The following SOD2 variants were observed in gnomAD, a reference collection of about 807,000 sequenced individuals.
SOD2 encodes the protein superoxide dismutase 2.
A neutral mutation model predicts 27.0 loss-of-function variants in SOD2; 11 were observed. The observed-to-expected ratio is 0.41, with a 90% CI of 0.26 to 0.67. The LOEUF is 0.67. Among genes scored for constraint, SOD2 ranks in the 30% least tolerant of loss-of-function variants. The pLI, the probability that SOD2 is intolerant of heterozygous loss-of-function variation, is 0.34. For synonymous variants in SOD2, 105 were observed against 103.0 expected (o/e 1.02, Z -0.12); for missense variants, 250 against 274.5 (o/e 0.91, Z 0.63).
intron 1 of SOD2, among the ~76,000 whole-genome samples, chr6:159,699,075 T>C (rs866746717): frequency 9.2e-5 from 14 of 152,136 alleles, no homozygotes; most frequent in Middle Eastern, 3.4e-3. Flanking sequence ...CCACTCCCTC[T>C]CCCACATTTT....
intron 1 of SOD2, among the ~76,000 whole-genome samples, chr6:159,733,438 G>A (rs1240910775): frequency 6.9e-6 from 1 of 144,644 alleles, no homozygotes; most frequent in African/African-American, 2.6e-5. Context: ...GCAGCATGGC[G>A]AAACCCTGTC....
At chr6:159,740,126 T>TG (rs1024607652) in intron 1 of SOD2, among the ~76,000 whole-genome samples, 2 of 151,792 alleles carry the variant, frequency 1.3e-5, no homozygotes, top group Admixed American at 1.3e-4. Context: ...ATTACAGGCA[T>TG]GGGCCACCAT....
intron 1 of SOD2, among the ~76,000 whole-genome samples, chr6:159,724,084 T>C (rs796196495): frequency 1.8e-4 from 28 of 152,304 alleles, no homozygotes; most frequent in African/African-American, 6.3e-4. Context: ...ACTTTTTTTT[T>C]CTGAACTTCT....
At position 159,676,919 on chromosome 6, in the gene SOD2, T is replaced by C. The variant is rs951644770; in HGVS notation, c.*5574A>G. On this transcript the variant is annotated 3_prime_UTR_variant, in exon 5 of 5. Transcript: ENST00000538183. Reference sequence around the variant, plus strand: ...AGTACCTAATTCAATGTTCTTTCCATGCCCACACAAAGGCAAGCAGCAGAA... The same window carrying C: ...AGTACCTAATTCAATGTTCTTTCCACGCCCACACAAAGGCAAGCAGCAGAA... The C allele has an allele frequency of 6.6e-6, 1 of 152,034 alleles. No homozygotes were observed. Among genetic ancestry groups the C allele is most frequent in the African/African-American group, 2.4e-5 (1 of 41,364 alleles). The allele number at this position is 152,034 out of a possible 1,614,324, so 9.4% of individuals were successfully genotyped here.
chr6:159,720,179 C>T (rs778858737), intron 1 of SOD2, among the ~76,000 whole-genome samples: 7 of 151,134 alleles, frequency 4.6e-5, no homozygotes, highest in Non-Finnish European at 7.4e-5. Context: ...TACAGACGCC[C>T]GCCACCACGC....
chr6:159,727,154 C>G (rs1036286956), exon 1 of SOD2: 8 of 1,194,432 alleles, frequency 6.7e-6, no homozygotes, highest in Non-Finnish European at 8.5e-6. Context: ...CCGGGGCCCG[C>G]GGAGCTCGCG....
At chr6:159,745,227 G>A (rs910811083), upstream of SOD2, 2 of 152,026 alleles carry the variant, frequency 1.3e-5, no homozygotes, top group African/African-American at 2.4e-5. Context: ...TTTCTCTTCC[G>A]GATTCCTACT....
exon 1 of SOD2, chr6:159,761,976 G>T: frequency 3.2e-6 from 4 of 1,236,836 alleles, no homozygotes; most frequent in African/African-American, 3.0e-5. Flanking sequence ...GGAGGTGGAG[G>T]GCGAGGGGCG....
At chr6:159,743,576 T>A in intron 1 of SOD2, 1 of 1,264,964 alleles carries the variant, frequency 7.9e-7, no homozygotes, top group Non-Finnish European at 1.1e-6. Flanking sequence ...ACTTGATTAA[T>A]TTTTTGACCC....
intron 1 of SOD2, chr6:159,725,489 A>AC (rs1778138502): frequency 6.6e-6 from 1 of 151,630 alleles, no homozygotes; most frequent in South Asian, 2.1e-4. Flanking sequence ...AAAAAAAAAA[A>AC]AAAAAACCCA....
intron 1 of SOD2, chr6:159,741,551 G>A (rs1317127251): frequency 6.6e-6 from 1 of 152,198 alleles, no homozygotes; most frequent in Admixed American, 6.5e-5. Context: ...GAACATCAGT[G>A]ATATCAAAGT....
At chr6:159,726,240 A>T (rs1469802099) in intron 1 of SOD2, 6 of 152,574 alleles carry the variant, frequency 3.9e-5, no homozygotes, top group Admixed American at 3.3e-4. Context: ...CTATGTTTAA[A>T]GACCATTACG....
intron 1 of SOD2, among the ~76,000 whole-genome samples, chr6:159,704,983 G>A (rs896592126): frequency 6.6e-6 from 1 of 152,208 alleles, no homozygotes; most frequent in Non-Finnish European, 1.5e-5. Context: ...TCGCTGTTCT[G>A]CAGCCTCCAC....
At chr6:159,705,309 G>A (rs185911279) in intron 1 of SOD2, among the ~76,000 whole-genome samples, 193 of 152,230 alleles carry the variant, frequency 1.3e-3, no homozygotes, top group African/African-American at 4.3e-3. Context: ...GGCTTCAGAC[G>A]ATCAAACTTC....
intron 2 of SOD2, chr6:159,691,753 AT>A (rs1266988837): frequency 4.6e-5 from 7 of 152,056 alleles, no homozygotes; most frequent in African/African-American, 1.7e-4. Flanking sequence ...AACAACATAT[AT>A]TTTAATTGCA....
intron 1 of SOD2, among the ~76,000 whole-genome samples, chr6:159,734,559 C>A (rs575794477): frequency 1.6e-4 from 25 of 152,210 alleles, no homozygotes; most frequent in African/African-American, 5.3e-4. Context: ...ACAGGTAGTT[C>A]TAGCTACTTG....
rs147606309 is a variant in SOD2 at position 159,692,478 on chromosome 6, G to C, written c.226+183C>G. Reference sequence around the variant, plus strand: ...CAGAAGTGTGTTCAAACCCATCGAGGCACTCCTTCTACAATGAGGTAGACC... The same window carrying C: ...CAGAAGTGTGTTCAAACCCATCGAGCCACTCCTTCTACAATGAGGTAGACC... On this transcript the variant is annotated intron_variant, in intron 2 of 4. Transcript: ENST00000538183. 1.5e-4 allele frequency: 212 copies of C among 1,442,642 alleles called. 1 individual carries two copies. In the East Asian group the frequency reaches 4.2e-3, roughly 29 times the overall value. 89.4% of individuals were successfully genotyped at this position (1,442,642 alleles called of 1,614,324 possible).
intron 1 of SOD2, chr6:159,742,204 C>T: frequency 7.2e-7 from 1 of 1,393,514 alleles, no homozygotes; most frequent in East Asian, 2.3e-5. Context: ...TTGTTAAAAT[C>T]AAAAGGATAG....
chr6:159,684,914 C>G lies in SOD2; in HGVS notation c.463G>C (p.Glu155Gln). ...GCAGCAATTTGTAAGTGTCCCCGTT[C>G]CTTATTGAAACCAAGCCAACCCCAA... ...SGWGWLGFNKERGHLQIAACP... is the reference protein window; with the variant it reads ...SGWGWLGFNKQRGHLQIAACP... The change falls in exon 4 of 5, where the codon GAA becomes CAA. Residue 155 changes from glutamate (E) to glutamine (Q), a missense_variant. Transcript: ENST00000538183. 6.2e-7 allele frequency: 1 copy of G among 1,613,688 alleles called. No individual in the cohort carries two copies. The highest frequency in any genetic ancestry group is 8.5e-7 in the Non-Finnish European group (1 of 1,179,772).
Sources: allele counts gnomAD v4.1 joint callset (sites outside exome capture counted in the v4.1 genomes callset), GRCh38; gene constraint gnomAD v4.1.1; transcripts MANE v1.5; gene names NCBI Gene and HGNC (gene_info 2026-07-23, HGNC 2026-07-21).